NEDD9: variants seen among roughly 807,000 people sequenced by gnomAD.
NEDD9 encodes neural precursor cell expressed, developmentally down-regulated 9.
In NEDD9, 26 loss-of-function variants were observed where a neutral mutation model predicts 76.6. That is an observed-to-expected ratio of 0.34 (90% confidence interval 0.25 to 0.47). NEDD9 has a LOEUF of 0.47. Ranked by LOEUF, NEDD9 falls within the 20% of genes least tolerant of loss-of-function variation. The pLI is 1.00. For synonymous variants in NEDD9, 392 were observed against 414.2 expected (o/e 0.95, Z 0.65); for missense variants, 937 against 1,058.5 (o/e 0.89, Z 1.59).
At chr6:11,215,094 C>T (rs535882965) in intron 1 of NEDD9, among the ~76,000 whole-genome samples, 7 of 152,152 alleles carry the variant, frequency 4.6e-5, no homozygotes, top group Admixed American at 6.5e-5. Context: ...GTGTGTTTTC[C>T]GCTCTGGAGG....
At chr6:11,365,664 G>A (rs1762749387) in intron 1 of NEDD9, among the ~76,000 whole-genome samples, 1 of 152,148 alleles carries the variant, frequency 6.6e-6, no homozygotes, top group South Asian at 2.1e-4. Context: ...AAAAAGGCTT[G>A]ATCATAACAA....
At chr6:11,225,708 A>G (rs893772355) in intron 1 of NEDD9, among the ~76,000 whole-genome samples, 11 of 151,498 alleles carry the variant, frequency 7.3e-5, no homozygotes, top group African/African-American at 2.7e-4. Context: ...TCACCGTGTT[A>G]GCCATGATGG....
chr6:11,268,770 C>A lies in NEDD9; in HGVS notation c.12+37222G>T, dbSNP rs146333438. ...AGACACACACACACACACACACACA[C>A]AACCAATATTTGGGGAAAAAGGGCT... On this transcript the variant is annotated intron_variant, in intron 3 of 3. Transcript: ENST00000397378. Among the ~76,000 whole-genome samples, 408 of 151,768 alleles carry A rather than the reference C, an allele frequency of 2.7e-3. 1 individual carries two copies. The highest frequency in any genetic ancestry group is 9.2e-3 in the African/African-American group (380 of 41,376).
chr6:11,343,384 GC>G (rs1762310900), intron 1 of NEDD9, among the ~76,000 whole-genome samples: 1 of 151,790 alleles, frequency 6.6e-6, no homozygotes, highest in Non-Finnish European at 1.5e-5. Context: ...AGTGGAGATG[GC>G]GCCACTGCAC....
intron 2 of NEDD9, among the ~76,000 whole-genome samples, chr6:11,319,472 A>T (rs1040344819): frequency 5.3e-5 from 8 of 151,278 alleles, no homozygotes; most frequent in Admixed American, 2.6e-4. Context: ...GTACACACTC[A>T]CACTAACAAG....
At chr6:11,255,679 C>T (rs1406863405) in intron 3 of NEDD9, among the ~76,000 whole-genome samples, 1 of 152,100 alleles carries the variant, frequency 6.6e-6, no homozygotes, top group African/African-American at 2.4e-5. Flanking sequence ...AAAGGCCTTG[C>T]ATGGATCCAC....
intron 3 of NEDD9, among the ~76,000 whole-genome samples, chr6:11,261,656 T>A (rs900281759): frequency 6.6e-6 from 1 of 152,232 alleles, no homozygotes; most frequent in Non-Finnish European, 1.5e-5. Context: ...CTAATTCTAG[T>A]GAGTATGACT....
At chr6:11,259,319 G>A (rs528873208) in intron 3 of NEDD9, among the ~76,000 whole-genome samples, 2 of 152,302 alleles carry the variant, frequency 1.3e-5, no homozygotes, top group African/African-American at 4.8e-5. Flanking sequence ...ACCTGGAAGG[G>A]GGCAGCAAGG....
intron 3 of NEDD9, chr6:11,258,994 G>A (rs2113320256): frequency 6.6e-6 from 1 of 152,490 alleles, no homozygotes; most frequent in Middle Eastern, 3.4e-3. Flanking sequence ...CCAAGCCCTG[G>A]ACAGTTCATG....
At chr6:11,376,061 T>G (rs896284063) in intron 1 of NEDD9, among the ~76,000 whole-genome samples, 2 of 152,230 alleles carry the variant, frequency 1.3e-5, no homozygotes, top group Non-Finnish European at 2.9e-5. Flanking sequence ...CCTGACCTCG[T>G]GATCCGCCCG....
intron 2 of NEDD9, among the ~76,000 whole-genome samples, chr6:11,310,176 G>A (rs1289049923): frequency 6.6e-6 from 1 of 152,180 alleles, no homozygotes; most frequent in Non-Finnish European, 1.5e-5. Context: ...GAGCCTGTCA[G>A]CCTGCAGCTC....
intron 1 of NEDD9, among the ~76,000 whole-genome samples, chr6:11,218,838 C>T (rs916333087): frequency 1.3e-5 from 2 of 152,168 alleles, no homozygotes; most frequent in Non-Finnish European, 2.9e-5. Flanking sequence ...AAAGGGCCTG[C>T]CCCTCCCTAT....
rs148729053 is a variant in NEDD9, at chr6:11,256,396, A to G, written c.13-42669T>C. ...AAACACTCCAGCCCACTCTAACACC[A>G]CAGAGGCGCCTCTGCTCTTGTTGGC... On this transcript the variant is annotated intron_variant, in intron 3 of 3. Coordinates refer to the NEDD9 transcript ENST00000397378. Among the ~76,000 whole-genome samples, 687 of 152,348 alleles carry G rather than the reference A, an allele frequency of 4.5e-3. 6 individuals are homozygous for G. Among genetic ancestry groups the G allele is most frequent in the African/African-American group, 0.016 (656 of 41,584 alleles).
At chr6:11,366,967 ATGT>A (rs1484886562) in intron 1 of NEDD9, among the ~76,000 whole-genome samples, 1 of 152,252 alleles carries the variant, frequency 6.6e-6, no homozygotes, top group African/African-American at 2.4e-5. Flanking sequence ...TTTTGATCCA[ATGT>A]TGTTACCTAG....
chr6:11,351,402 A>G (rs1245965453), intron 1 of NEDD9, among the ~76,000 whole-genome samples: 1 of 152,160 alleles, frequency 6.6e-6, no homozygotes, highest in Non-Finnish European at 1.5e-5. Context: ...GGGGTTCAGG[A>G]CATATTGCCC....
chr6:11,348,387 A>G lies in NEDD9; in HGVS notation c.-213-13826T>C, dbSNP rs182787202. On this transcript the variant is annotated intron_variant, in intron 1 of 3. Coordinates refer to the NEDD9 transcript ENST00000397378. ...AATTTACAGATTCAATGCTATTCCTATCAAACTACCAATGACATTCTTCAC... is the reference window on the plus strand; with the variant it reads ...AATTTACAGATTCAATGCTATTCCTGTCAAACTACCAATGACATTCTTCAC... 3.0e-3 allele frequency among the ~76,000 whole-genome samples: 462 copies of G among 152,382 alleles called. 1 individual carries two copies. The highest frequency in any genetic ancestry group is 5.5e-3 in the Non-Finnish European group (372 of 68,028).
intron 3 of NEDD9, among the ~76,000 whole-genome samples, chr6:11,266,844 C>T (rs1760210759): frequency 6.6e-6 from 1 of 152,156 alleles, no homozygotes; most frequent in Non-Finnish European, 1.5e-5. Context: ...GCCAATGGTC[C>T]GGATCAATTG....
chr6:11,264,221 C>T (rs1040953879), intron 3 of NEDD9, among the ~76,000 whole-genome samples: 3 of 152,162 alleles, frequency 2.0e-5, no homozygotes, highest in African/African-American at 7.2e-5. Flanking sequence ...TGGGCAGTGG[C>T]GAGAGGGGGC....
intron 1 of NEDD9, chr6:11,334,693 A>G (rs1561838948): frequency 6.6e-6 from 1 of 152,228 alleles, no homozygotes; most frequent in East Asian, 1.9e-4. Flanking sequence ...TTCTCGCTTT[A>G]TGTTTTTTTG....
Sources: allele counts gnomAD v4.1 joint callset (sites outside exome capture counted in the v4.1 genomes callset), GRCh38; gene constraint gnomAD v4.1.1; transcripts MANE v1.5; gene names NCBI Gene and HGNC (gene_info 2026-07-23, HGNC 2026-07-21).